Variants in BET1 observed in about 807,000 individuals in gnomAD.
The protein encoded by BET1 is BET1 homolog.
A neutral mutation model predicts 13.9 loss-of-function variants in BET1; 9 were observed. The observed-to-expected ratio is 0.65, with a 90% CI of 0.39 to 1.13. BET1 has a LOEUF of 1.13. Ranked by LOEUF, BET1 falls within the 50% of genes most tolerant of loss-of-function variation. BET1 has a pLI of 0.01. For synonymous variants in BET1, 39 were observed against 47.3 expected (o/e 0.82, Z 0.72); for missense variants, 127 against 133.6 (o/e 0.95, Z 0.24).
At chr7:93,966,053 C>A (rs1795167742) in intron 6 of BET1, among the ~76,000 whole-genome samples, 1 of 151,868 alleles carries the variant, frequency 6.6e-6, no homozygotes, top group Non-Finnish European at 1.5e-5. Flanking sequence ...TGAACAGGGT[C>A]AAAATAGCCA....
chr7:93,970,759 A>T (rs2116027477), intron 6 of BET1, among the ~76,000 whole-genome samples: 1 of 151,990 alleles, frequency 6.6e-6, no homozygotes, highest in East Asian at 1.9e-4. Flanking sequence ...ATTACATAGA[A>T]TCTGGTTTTA....
chr7:93,989,637 T>C (rs769610568), downstream of BET1, among the ~76,000 whole-genome samples: 1 of 152,232 alleles, frequency 6.6e-6, no homozygotes, highest in Non-Finnish European at 1.5e-5. Context: ...TGTACTTTTC[T>C]AGTTTTTTGC....
chr7:93,978,816 C>T (rs1795379900), intron 4 of BET1, among the ~76,000 whole-genome samples: 1 of 152,282 alleles, frequency 6.6e-6, no homozygotes, highest in Middle Eastern at 3.4e-3. Flanking sequence ...TCCACACATT[C>T]ATTCTGGAAG....
chr7:93,996,304 G>A lies in BET1; in HGVS notation c.162C>T (p.Gly54=), dbSNP rs772820695. 17 of 1,578,272 alleles carry A rather than the reference G, an allele frequency of 1.1e-5. No homozygotes were observed. The Admixed American group carries it at 2.8e-4, about 26-fold the overall frequency. Residue 54 remains glycine (G), a synonymous_variant, in exon 3 of 4, where the codon GGC becomes GGT. Transcript: ENST00000222547. ...TAIKSLSIEI[G]HEVKTQNKLL... ...ATTTATTCTGGGTTTTAACTTCATG[G>A]CCTATTTCAATGGAAAGCTATAAAG...
At chr7:93,977,255 G>A (rs1795354840) in intron 4 of BET1, among the ~76,000 whole-genome samples, 1 of 152,090 alleles carries the variant, frequency 6.6e-6, no homozygotes, top group Non-Finnish European at 1.5e-5. Context: ...GAGGCCAGGA[G>A]TTTGAGATCA....
At position 93,993,789 on chromosome 7, in the gene BET1, G is replaced by A; in HGVS notation, c.*441C>T. ...AAGGGAGTATATCATTACAGTTGATGCAGTTAGGAAAATTCAATTACCATT... is the reference window on the plus strand; with the variant it reads ...AAGGGAGTATATCATTACAGTTGATACAGTTAGGAAAATTCAATTACCATT... On this transcript the variant is annotated 3_prime_UTR_variant, in exon 4 of 4. Transcript: ENST00000222547. The A allele has an allele frequency of 6.6e-7, 1 of 1,514,466 alleles. No homozygotes were observed. The highest frequency in any genetic ancestry group is 1.3e-5 in the South Asian group (1 of 79,208). 93.8% of individuals were successfully genotyped at this position (1,514,466 alleles called of 1,614,324 possible).
At chr7:93,967,066 A>G (rs1327803128) in intron 6 of BET1, among the ~76,000 whole-genome samples, 1 of 151,908 alleles carries the variant, frequency 6.6e-6, no homozygotes, top group Non-Finnish European at 1.5e-5. Context: ...CCATTCCACT[A>G]TGGTAGCAAT....
chr7:93,996,998 A>G (rs954292561), intron 2 of BET1, among the ~76,000 whole-genome samples: 2 of 151,492 alleles, frequency 1.3e-5, no homozygotes, highest in African/African-American at 4.9e-5. Context: ...TTAAAATATG[A>G]TAATAAATTG....
In BET1 at chr7:93,994,202, A is replaced by G. The variant is rs1232677790; in HGVS notation, c.*28T>C. The G allele has an allele frequency of 1.3e-6, 2 of 1,582,296 alleles. No individual in the cohort carries two copies. The highest frequency in any genetic ancestry group is 1.7e-6 in the Non-Finnish European group (2 of 1,164,206). ...TGGTACTGCAAGCCATTAAGTTGGA[A>G]CAAATTCCAAATTCACAATTACATG... is the stretch of plus-strand genomic sequence containing the variant. On this transcript the variant is annotated 3_prime_UTR_variant, in exon 4 of 4. Transcript: ENST00000222547.
chr7:93,995,815 T>C (rs575496113), intron 3 of BET1, among the ~76,000 whole-genome samples: 2 of 152,316 alleles, frequency 1.3e-5, no homozygotes, highest in African/African-American at 2.4e-5. Context: ...GAAAAGGCTC[T>C]GGGCTGTTCA....
exon 7 of BET1, chr7:93,965,173 C>T (rs1795154440): frequency 6.6e-6 from 1 of 152,004 alleles, no homozygotes; most frequent in East Asian, 1.9e-4. Flanking sequence ...CTCCAGAAGC[C>T]TAAATGTTGA....
downstream of BET1, among the ~76,000 whole-genome samples, chr7:93,989,327 T>A (rs574248033): frequency 4.6e-5 from 7 of 152,304 alleles, no homozygotes; most frequent in South Asian, 1.4e-3. Flanking sequence ...GCAAGTATAT[T>A]AAAATCACTC....
exon 7 of BET1, chr7:93,964,390 T>A (rs1480077335): frequency 1.3e-5 from 2 of 152,086 alleles, no homozygotes; most frequent in Non-Finnish European, 2.9e-5. Context: ...CCTGCATTAA[T>A]TCGATTAGGA....
chr7:93,966,604 C>CT (rs56919360), intron 6 of BET1, among the ~76,000 whole-genome samples: 14,687 of 142,350 alleles, frequency 0.1, 1,124 homozygotes, highest in East Asian at 0.3. Flanking sequence ...AAAAATTCCT[C>CT]TTTTTTTTTT....
At chr7:93,983,645 T>C (rs559885512) in intron 4 of BET1, among the ~76,000 whole-genome samples, 1 of 152,276 alleles carries the variant, frequency 6.6e-6, no homozygotes, top group South Asian at 2.1e-4. Context: ...AGTGTCTTAT[T>C]AGTGGCTCCT....
At chr7:93,967,306 T>G (rs549316547) in intron 6 of BET1, among the ~76,000 whole-genome samples, 1 of 151,984 alleles carries the variant, frequency 6.6e-6, no homozygotes, top group African/African-American at 2.4e-5. Context: ...TTCTTCTAAT[T>G]GATCCAATGT....
chr7:93,993,234 TAAA>T, downstream of BET1: 1 of 973,702 alleles, frequency 1.0e-6, no homozygotes, highest in Non-Finnish European at 1.2e-6. Flanking sequence ...AAAAGAGACT[TAAA>T]GAAGTAACAC....
downstream of BET1, chr7:93,993,090 A>C (rs1795673047): frequency 1.0e-6 from 1 of 979,938 alleles, no homozygotes; most frequent in Admixed American, 6.1e-5. Context: ...TAAAGAATTA[A>C]AGAGATTTTT....
At chr7:93,976,158 A>G (rs1795332624) in intron 4 of BET1, 2 of 1,098,904 alleles carry the variant, frequency 1.8e-6, no homozygotes, top group Admixed American at 6.4e-5. Flanking sequence ...AAAACAAAAC[A>G]ACATTTAAAG....
Sources: allele counts gnomAD v4.1 joint callset (sites outside exome capture counted in the v4.1 genomes callset), GRCh38; gene constraint gnomAD v4.1.1; transcripts MANE v1.5; gene names NCBI Gene and HGNC (gene_info 2026-07-23, HGNC 2026-07-21).